DNMT3B: variants seen among roughly 807,000 people sequenced by gnomAD.
DNMT3B encodes DNA (cytosine-5)-methyltransferase 3B.
Under a neutral mutation model 120.2 loss-of-function variants are expected in DNMT3B, and 37 were observed. That is an observed-to-expected ratio of 0.31 (90% confidence interval 0.24 to 0.40). The LOEUF is 0.40. Ranked by LOEUF, DNMT3B falls within the 10% of genes least tolerant of loss-of-function variation. DNMT3B has a pLI of 1.00. For synonymous variants in DNMT3B, 412 were observed against 442.8 expected (o/e 0.93, Z 0.87); for missense variants, 878 against 1,137.3 (o/e 0.77, Z 3.28).
chr20:32,807,311 T>C (rs1982079582), intron 22 of DNMT3B, among the ~76,000 whole-genome samples: 1 of 152,216 alleles, frequency 6.6e-6, no homozygotes, highest in Non-Finnish European at 1.5e-5. Context: ...TGGAGTCATC[T>C]AGCATGGTCC....
chr20:32,802,337 G>A, intron 19 of DNMT3B, 48 bp from the exon 20 acceptor site: 1 of 1,599,020 alleles, frequency 6.3e-7, no homozygotes, highest in South Asian at 1.1e-5. Context: ...GGTTGACACT[G>A]AAACTCTAAT....
At chr20:32,784,672 C>CAAAT in intron 3 of DNMT3B, 86 bp from the exon 4 acceptor site, 1 of 1,434,334 alleles carries the variant, frequency 7.0e-7, no homozygotes, top group East Asian at 2.4e-5. Context: ...CACAGGCGAT[C>CAAAT]AGTCTTTCAT....
intron 1 of DNMT3B, 135 bp from the exon 2 acceptor site, chr20:32,780,183 A>C (rs1568830110): frequency 6.2e-7 from 1 of 1,613,068 alleles, no homozygotes; most frequent in Non-Finnish European, 8.5e-7. Flanking sequence ...TGGGTGGGGT[A>C]CTTGGGCAAG....
At chr20:32,795,790 C>G in intron 12 of DNMT3B, 96 bp downstream of exon 12, 1 of 1,518,430 alleles carries the variant, frequency 6.6e-7, no homozygotes. Context: ...GGGTTTAACC[C>G]AGAGCTCTGT....
chr20:32,802,002 A>G (rs1471429997), intron 19 of DNMT3B, among the ~76,000 whole-genome samples: 1 of 152,218 alleles, frequency 6.6e-6, no homozygotes, highest in Non-Finnish European at 1.5e-5. Context: ...TTTTTACTCT[A>G]GAGAGTTTTC....
intron 1 of DNMT3B, among the ~76,000 whole-genome samples, chr20:32,766,493 G>A (rs1987375987): frequency 1.3e-5 from 2 of 152,142 alleles, no homozygotes; most frequent in African/African-American, 4.8e-5. Context: ...ACAGGTGTGA[G>A]CTACCACACA....
chr20:32,801,192 T>A (rs1044402641), intron 18 of DNMT3B, 86 bp from the exon 19 acceptor site: 1 of 1,598,182 alleles, frequency 6.3e-7, no homozygotes, highest in Non-Finnish European at 8.5e-7. Flanking sequence ...CAGGAGGCCA[T>A]TGGGAACCTG....
chr20:32,803,632 C>T (rs1047961692), intron 20 of DNMT3B, among the ~76,000 whole-genome samples: 2 of 152,112 alleles, frequency 1.3e-5, no homozygotes, highest in Non-Finnish European at 1.5e-5. Flanking sequence ...TTATTGCTGG[C>T]GGATGGACAT....
chr20:32,777,144 T>C (rs1988107849), intron 1 of DNMT3B, among the ~76,000 whole-genome samples: 2 of 152,216 alleles, frequency 1.3e-5, no homozygotes, highest in South Asian at 4.1e-4. Flanking sequence ...AGTGCTCAGC[T>C]TGCTCCTGGG....
At chr20:32,797,708 G>A (rs1980811896) in intron 14 of DNMT3B, among the ~76,000 whole-genome samples, 1 of 151,012 alleles carries the variant, frequency 6.6e-6, no homozygotes, top group South Asian at 2.1e-4. Context: ...CACCCAGGCT[G>A]GAATGCAGTG....
At chr20:32,785,412 C>T (rs6057644) in intron 4 of DNMT3B, among the ~76,000 whole-genome samples, 1 of 152,082 alleles carries the variant, frequency 6.6e-6, no homozygotes, top group African/African-American at 2.4e-5. Flanking sequence ...TTGGAGGTGC[C>T]TAGGGGTGAT....
rs962502425 is a variant in DNMT3B at position 32,808,579 on chromosome 20, T to A, written c.*676T>A. ...GACGTCATCATCACATTCAGGGCTA[T>A]TTTTTCCCCCACAAACCCAAGGGCA... On this transcript the variant is annotated 3_prime_UTR_variant, in exon 23 of 23. Transcript: ENST00000328111. The A allele has an allele frequency of 3.0e-5, 7 of 230,996 alleles. No individual in the cohort carries two copies. Among genetic ancestry groups the A allele is most frequent in the African/African-American group, 1.6e-4 (7 of 45,150 alleles). 14.3% of individuals were successfully genotyped at this position (230,996 alleles called of 1,614,324 possible).
chr20:32,783,816 C>G (rs1450938786), intron 3 of DNMT3B, among the ~76,000 whole-genome samples: 5 of 152,138 alleles, frequency 3.3e-5, no homozygotes, highest in African/African-American at 1.2e-4. Flanking sequence ...ACCTCCGCCT[C>G]CCAGGTTCAA....
At chr20:32,788,338 C>T (rs1979576573) in intron 6 of DNMT3B, among the ~76,000 whole-genome samples, 1 of 152,106 alleles carries the variant, frequency 6.6e-6, no homozygotes, top group Non-Finnish European at 1.5e-5. Flanking sequence ...GATAATAAAT[C>T]CAGTGGTCTG....
At chr20:32,806,648 A>G (rs1371358945) in intron 22 of DNMT3B, among the ~76,000 whole-genome samples, 1 of 152,174 alleles carries the variant, frequency 6.6e-6, no homozygotes, top group Non-Finnish European at 1.5e-5. Context: ...AACCCCACAG[A>G]CATGCCATTC....
At position 32,762,543 on chromosome 20, in the gene DNMT3B, A is replaced by G. The variant is rs545638472; in HGVS notation, c.-163A>G. The G allele has an allele frequency of 1.5e-5, 5 of 339,084 alleles. No individual in the cohort carries two copies. The highest frequency in any genetic ancestry group is 2.2e-5 in the African/African-American group (1 of 45,400). 21.0% of individuals were successfully genotyped at this position (339,084 alleles called of 1,614,324 possible). On this transcript the variant is annotated 5_prime_UTR_variant, in exon 1 of 23. Coordinates refer to ENST00000328111, the MANE Select transcript of DNMT3B (RefSeq NM_006892.4). ...CGGGCGGCAACGCTGCCCGGCCGGCAGCGCTGGGGTTAAGTGGCCCAAGTA... is the reference window on the plus strand; with the variant it reads ...CGGGCGGCAACGCTGCCCGGCCGGCGGCGCTGGGGTTAAGTGGCCCAAGTA...
At position 32,786,607 on chromosome 20, in the gene DNMT3B, G is replaced by A. The variant is rs756280552; in HGVS notation, c.412G>A (p.Val138Met). 8.7e-6 allele frequency: 14 copies of A among 1,613,750 alleles called. 1 individual carries two copies. The East Asian group carries it at 1.6e-4, about 18-fold the overall frequency. ...CCGCAACCATGTGGACGAGTCCCCCGTGGAGTTCCCGGCTACCAGGGTTGG... is the reference window on the plus strand; with the variant it reads ...CCGCAACCATGTGGACGAGTCCCCCATGGAGTTCCCGGCTACCAGGGTTGG... ...QGRNHVDESP[V>M]EFPATRSLRR... Residue 138 changes from valine to methionine, a missense_variant, in exon 5 of 23, where the codon GTG becomes ATG. Val to Met is a conservative substitution (Grantham distance 21). Coordinates refer to ENST00000328111, the MANE Select transcript of DNMT3B (RefSeq NM_006892.4).
chr20:32,800,045 T>C (rs1411020961), intron 16 of DNMT3B, 108 bp from the exon 17 acceptor site: 2 of 1,496,246 alleles, frequency 1.3e-6, no homozygotes, highest in African/African-American at 1.4e-5. Context: ...TGAACGCATG[T>C]GATACAGTCA....
chr20:32,779,401 C>T (rs1464297243), intron 1 of DNMT3B, among the ~76,000 whole-genome samples: 1 of 152,158 alleles, frequency 6.6e-6, no homozygotes, highest in Non-Finnish European at 1.5e-5. Context: ...AAGGTGAGCT[C>T]CCCAGTCTCC....
Sources: allele counts gnomAD v4.1 joint callset (sites outside exome capture counted in the v4.1 genomes callset), GRCh38; gene constraint gnomAD v4.1.1; transcripts MANE v1.5; gene names NCBI Gene and HGNC (gene_info 2026-07-23, HGNC 2026-07-21).